PTPN9: variants seen among roughly 807,000 people sequenced by gnomAD.
PTPN9 encodes the protein tyrosine-protein phosphatase non-receptor type 9.
Under a neutral mutation model 69.8 loss-of-function variants are expected in PTPN9, and 26 were observed. That is an observed-to-expected ratio of 0.37 (90% CI 0.27 to 0.52). The LOEUF is 0.52. Ranked by LOEUF, PTPN9 falls within the 20% of genes least tolerant of loss-of-function variation. The probability of loss-of-function intolerance (pLI) is 0.91; values close to 1 mark genes in which losing one functional copy is unlikely to be tolerated. For missense variants in PTPN9, 549 were observed against 740.3 expected, an observed-to-expected ratio of 0.74 and a Z score of 3.00; for synonymous variants, 274 against 272.5, an observed-to-expected ratio of 1.01 and a Z score of -0.05.
intron 8 of PTPN9, among the ~76,000 whole-genome samples, chr15:75,482,430 T>C (rs1170953031): frequency 5.3e-5 from 8 of 151,072 alleles, no homozygotes; most frequent in South Asian, 2.1e-4. Flanking sequence ...CCGGGCGTGG[T>C]GGCGGGCGCC....
At chr15:75,556,251 A>G (rs1291037054) in intron 1 of PTPN9, among the ~76,000 whole-genome samples, 1 of 150,252 alleles carries the variant, frequency 6.7e-6, no homozygotes, top group Non-Finnish European at 1.5e-5. Flanking sequence ...TTTAGTAGAG[A>G]CGGGGTTTCA....
At chr15:75,505,568 A>G (rs2074814653) in intron 7 of PTPN9, 107 bp downstream of exon 7, 1 of 776,736 alleles carries the variant, frequency 1.3e-6, no homozygotes, top group Non-Finnish European at 2.1e-6. Flanking sequence ...GTTCCCTAAC[A>G]TAAGGAAGGG....
chr15:75,519,708 G>A (rs1232120339), intron 4 of PTPN9, among the ~76,000 whole-genome samples: 2 of 151,774 alleles, frequency 1.3e-5, no homozygotes, highest in African/African-American at 4.8e-5. Flanking sequence ...CTGACCTCAA[G>A]TGATCTGCCC....
At chr15:75,481,925 C>T (rs1424827686) in intron 8 of PTPN9, among the ~76,000 whole-genome samples, 16 of 146,306 alleles carry the variant, frequency 1.1e-4, no homozygotes, top group African/African-American at 4.1e-4. Flanking sequence ...TGAGGAGCCC[C>T]TCTGCCCGGC....
Position 75,505,871 on chromosome 15 carries a change from G to A in PTPN9, c.772C>T (p.Pro258Ser). The stretch of plus-strand genomic sequence containing the variant: ...AGGATGATCTCATCGAAGGGATCTG[G>A]GTGGCCGTTCACCTGGGGTAGGAAC... ...FQFLPQVNGH[P>S]DPFDEIILFS... Residue 258 changes from proline (P) to serine (S), a missense_variant, in exon 7 of 13, where the codon CCA becomes TCA. Coordinates refer to ENST00000618819, the MANE Select transcript of PTPN9 (RefSeq NM_002833.4). 1 of 1,614,158 alleles carries A rather than the reference G, an allele frequency of 6.2e-7. No homozygotes were observed. Among genetic ancestry groups the A allele is most frequent in the Non-Finnish European group, 8.5e-7 (1 of 1,180,028 alleles).
At chr15:75,556,605 T>C (rs1002640282) in intron 1 of PTPN9, among the ~76,000 whole-genome samples, 3 of 152,078 alleles carry the variant, frequency 2.0e-5, no homozygotes. Context: ...CTCAAACTCC[T>C]GAGCTCAAGT....
chr15:75,498,525 G>T (rs2074756140), intron 7 of PTPN9, among the ~76,000 whole-genome samples: 1 of 151,926 alleles, frequency 6.6e-6, no homozygotes, highest in Non-Finnish European at 1.5e-5. Context: ...GATCAGCCTG[G>T]CCAACATGGT....
At chr15:75,540,416 G>A (rs2141329930) in intron 1 of PTPN9, among the ~76,000 whole-genome samples, 1 of 152,100 alleles carries the variant, frequency 6.6e-6, no homozygotes, top group East Asian at 1.9e-4. Context: ...AGCCAGACGT[G>A]GTGGCACATG....
At chr15:75,516,523 A>G (rs1375974564) in intron 5 of PTPN9, among the ~76,000 whole-genome samples, 1 of 150,070 alleles carries the variant, frequency 6.7e-6, no homozygotes, top group African/African-American at 2.5e-5. Flanking sequence ...CATGTTAGCC[A>G]AGATGGTCTT....
At chr15:75,473,306 A>G (rs954431187) in intron 10 of PTPN9, among the ~76,000 whole-genome samples, 2 of 151,852 alleles carry the variant, frequency 1.3e-5, no homozygotes, top group Admixed American at 6.6e-5. Flanking sequence ...CTGGAGTGCA[A>G]TGGCGTGATC....
At chr15:75,522,048 G>A (rs925179527) in intron 4 of PTPN9, among the ~76,000 whole-genome samples, 11 of 152,126 alleles carry the variant, frequency 7.2e-5, no homozygotes, top group East Asian at 1.9e-4. Flanking sequence ...CAAAGATGTC[G>A]AGAGCAGTAA....
chr15:75,521,885 A>G (rs2074906702), intron 4 of PTPN9, among the ~76,000 whole-genome samples: 1 of 152,162 alleles, frequency 6.6e-6, no homozygotes, highest in South Asian at 2.1e-4. Flanking sequence ...TCCTGCCCTC[A>G]AGAAGCGAGT....
intron 1 of PTPN9, among the ~76,000 whole-genome samples, chr15:75,545,686 T>C (rs35381354): frequency 0.053 from 8,118 of 152,300 alleles, 305 homozygotes; most frequent in Non-Finnish European, 0.079. Flanking sequence ...ATGCCTGTAA[T>C]CCCAGCACTT....
chr15:75,477,432 C>CA (rs2074602283), intron 9 of PTPN9, among the ~76,000 whole-genome samples: 3 of 151,930 alleles, frequency 2.0e-5, no homozygotes, highest in African/African-American at 7.3e-5. Context: ...CTGTCTCTAC[C>CA]AAAAATACAA....
chr15:75,564,460 G>C (rs2075118122), intron 1 of PTPN9, among the ~76,000 whole-genome samples: 1 of 151,906 alleles, frequency 6.6e-6, no homozygotes, highest in Non-Finnish European at 1.5e-5. Flanking sequence ...GCCAGGCGTG[G>C]TAGCGGGCGC....
intron 7 of PTPN9, among the ~76,000 whole-genome samples, chr15:75,504,084 A>C (rs1444525799): frequency 1.0e-4 from 5 of 47,846 alleles, no homozygotes; most frequent in East Asian, 6.8e-4. Context: ...AGGTGGGGGG[A>C]TCAGCACCCC....
intron 1 of PTPN9, among the ~76,000 whole-genome samples, chr15:75,560,680 T>C (rs1206225016): frequency 6.6e-6 from 1 of 152,176 alleles, no homozygotes; most frequent in Non-Finnish European, 1.5e-5. Context: ...GAGACCAGCC[T>C]GGGCAACACA....
chr15:75,472,785 A>AAAAG (rs1170089221), intron 10 of PTPN9, among the ~76,000 whole-genome samples: 1 of 151,084 alleles, frequency 6.6e-6, no homozygotes, highest in Non-Finnish European at 1.5e-5. Context: ...TCTCCAAAAA[A>AAAAG]AAAAAAAAAG....
intron 1 of PTPN9, among the ~76,000 whole-genome samples, chr15:75,553,885 A>G (rs966852486): frequency 2.0e-5 from 3 of 152,100 alleles, no homozygotes; most frequent in African/African-American, 7.2e-5. Context: ...CTCTTCCTGA[A>G]TGTCTCCTTG....
Sources: allele counts gnomAD v4.1 joint callset (sites outside exome capture counted in the v4.1 genomes callset), GRCh38; gene constraint gnomAD v4.1.1; transcripts MANE v1.5; gene names NCBI Gene and HGNC (gene_info 2026-07-23, HGNC 2026-07-21).